The following DENND1A variants were observed in gnomAD, a reference collection of about 807,000 sequenced individuals.
DENND1A encodes the protein DENN domain-containing protein 1A.
DENND1A carries 51 observed loss-of-function variants against 113.7 expected under a neutral mutation model. The ratio of observed to expected loss-of-function variants is 0.45; its 90% CI spans 0.36 to 0.57. DENND1A has a LOEUF of 0.57. DENND1A is among the 20% of genes least tolerant of loss of function. The pLI is 0.00. For missense variants in DENND1A, 1,258 were observed against 1,395.9 expected (o/e 0.90, Z 1.57); for synonymous variants, 565 against 570.8 (o/e 0.99, Z 0.14).
rs540698611 is a variant in DENND1A at position 123,745,465 on chromosome 9, C to T, written c.302+12238G>A. ...GCAGCAGTGTGGTGCATGGAATGCT[C>T]ATGCACAGCTTGCAGAAGCAGAAAA... On this transcript the variant is annotated intron_variant, in intron 5 of 23. Coordinates refer to ENST00000394215, the MANE Select transcript of DENND1A (RefSeq NM_001352964.2). Among the ~76,000 whole-genome samples the T allele has an allele frequency of 3.9e-5, 6 of 152,328 alleles. 1 individual carries two copies. In the South Asian group the frequency reaches 1.2e-3, roughly 32 times the overall value.
chr9:123,411,614 T>C, intron 20 of DENND1A, 162 bp downstream of exon 20: 1 of 271,554 alleles, frequency 3.7e-6, no homozygotes, highest in Non-Finnish European at 5.6e-6. Flanking sequence ...GCCCAGAGAA[T>C]GCAAGCTCAA....
chr9:123,862,500 A>G (rs980488454), intron 2 of DENND1A, among the ~76,000 whole-genome samples: 4 of 152,212 alleles, frequency 2.6e-5, no homozygotes, highest in Non-Finnish European at 5.9e-5. Flanking sequence ...AAAAGAACCT[A>G]AAGATCCATA....
At chr9:123,423,660 T>C (rs1226263475) in intron 19 of DENND1A, among the ~76,000 whole-genome samples, 1 of 152,234 alleles carries the variant, frequency 6.6e-6, no homozygotes, top group African/African-American at 2.4e-5. Flanking sequence ...TGGTTATGGC[T>C]GCACACGCTC....
intron 18 of DENND1A, among the ~76,000 whole-genome samples, chr9:123,449,388 A>G (rs998050332): frequency 1.3e-5 from 2 of 152,174 alleles, no homozygotes; most frequent in Non-Finnish European, 2.9e-5. Context: ...TACAAAAATT[A>G]GCCAGATGTG....
intron 13 of DENND1A, among the ~76,000 whole-genome samples, chr9:123,538,703 A>C (rs2055993829): frequency 6.7e-6 from 1 of 148,296 alleles, no homozygotes; most frequent in Non-Finnish European, 1.5e-5. Context: ...GCAATGAACC[A>C]AAATCCATCA....
At chr9:123,778,159 T>C (rs1830730676) in intron 3 of DENND1A, among the ~76,000 whole-genome samples, 1 of 152,214 alleles carries the variant, frequency 6.6e-6, no homozygotes, top group South Asian at 2.1e-4. Context: ...AAAAAGTCCC[T>C]TCAGAAGTCC....
chr9:123,860,125 C>T (rs545500300), intron 2 of DENND1A, among the ~76,000 whole-genome samples: 1 of 152,268 alleles, frequency 6.6e-6, no homozygotes, highest in East Asian at 1.9e-4. Context: ...GGCCACTTAA[C>T]TTTATGCTCA....
intron 10 of DENND1A, among the ~76,000 whole-genome samples, chr9:123,613,654 T>G (rs1231233885): frequency 6.6e-6 from 1 of 152,228 alleles, no homozygotes; most frequent in Non-Finnish European, 1.5e-5. Context: ...GAAGACATTT[T>G]AAACGGCAAT....
At chr9:123,590,643 T>C (rs897423277) in intron 11 of DENND1A, among the ~76,000 whole-genome samples, 1 of 152,228 alleles carries the variant, frequency 6.6e-6, no homozygotes, top group African/African-American at 2.4e-5. Flanking sequence ...TTGTGGGTGA[T>C]GAAAATATTC....
chr9:123,440,359 C>G lies in DENND1A; in HGVS notation c.1488+1G>C. 1 of 1,600,112 alleles carries G rather than the reference C, an allele frequency of 6.2e-7. No homozygotes were observed. Among genetic ancestry groups the G allele is most frequent in the Non-Finnish European group, 8.5e-7 (1 of 1,175,018 alleles). ...ACAGGTAGGAGGGCCAGGGTACACA[C>G]CTGTCCAAAGTGGACTGTGATTGGC... On this transcript the variant is annotated splice_donor_variant, in intron 19 of 23. Transcript: ENST00000394215. LOFTEE classifies it high-confidence loss of function.
At chr9:123,818,654 A>C (rs1326529992) in intron 2 of DENND1A, among the ~76,000 whole-genome samples, 1 of 151,974 alleles carries the variant, frequency 6.6e-6, no homozygotes, top group Non-Finnish European at 1.5e-5. Flanking sequence ...TACCTTACAC[A>C]CATAGCCTGA....
intron 10 of DENND1A, among the ~76,000 whole-genome samples, chr9:123,620,213 C>CAAAAAAAAAAAAAAAAAAAAAAAA (rs34196587): frequency 5.1e-5 from 3 of 59,052 alleles, no homozygotes; most frequent in Non-Finnish European, 8.3e-5. Context: ...GACTCCATCT[C>CAAAAAAAAAAAAAAAAAAAAAAAA]AAAAAAAAAA....
In DENND1A at chr9:123,688,407, T is replaced by C. The variant is rs145863647; in HGVS notation, c.303-11618A>G. Reference sequence around the variant, plus strand: ...TAGACAGCATTCATTCACTCATTCATTGCCTAATATATATAAGTCAGGCAC... The same window carrying C: ...TAGACAGCATTCATTCACTCATTCACTGCCTAATATATATAAGTCAGGCAC... On this transcript the variant is annotated intron_variant, in intron 5 of 23. Coordinates refer to ENST00000394215, the MANE Select transcript of DENND1A (RefSeq NM_001352964.2). Among the ~76,000 whole-genome samples, 430 of 152,360 alleles carry C rather than the reference T, an allele frequency of 2.8e-3. 2 individuals are homozygous for C. Among genetic ancestry groups the C allele is most frequent in the African/African-American group, 9.6e-3 (400 of 41,582 alleles).
At chr9:123,901,666 A>G (rs950448881) in intron 1 of DENND1A, among the ~76,000 whole-genome samples, 7 of 152,194 alleles carry the variant, frequency 4.6e-5, no homozygotes, top group Non-Finnish European at 7.3e-5. Flanking sequence ...TGTGGTTGTG[A>G]AGACCTTCTA....
At chr9:123,741,754 C>G (rs2069045941) in intron 5 of DENND1A, among the ~76,000 whole-genome samples, 1 of 152,060 alleles carries the variant, frequency 6.6e-6, no homozygotes, top group Non-Finnish European at 1.5e-5. Context: ...GAGTGTCATT[C>G]AACAAATGAT....
At chr9:123,425,468 C>T (rs905734655) in intron 19 of DENND1A, among the ~76,000 whole-genome samples, 10 of 152,274 alleles carry the variant, frequency 6.6e-5, no homozygotes, top group African/African-American at 1.4e-4. Flanking sequence ...GTGCAGGCGC[C>T]GCAGAACAAG....
chr9:123,520,983 A>G (rs1158714217), intron 13 of DENND1A, among the ~76,000 whole-genome samples: 1 of 152,230 alleles, frequency 6.6e-6, no homozygotes, highest in East Asian at 1.9e-4. Context: ...TACAAACTAC[A>G]TTCAAATAAA....
At chr9:123,438,689 C>T (rs2046702412) in intron 19 of DENND1A, among the ~76,000 whole-genome samples, 1 of 152,168 alleles carries the variant, frequency 6.6e-6, no homozygotes, top group African/African-American at 2.4e-5. Flanking sequence ...TCATCCTCTC[C>T]AGTTTGCAGA....
At chr9:123,414,306 A>G in intron 19 of DENND1A, 1 of 1,396,008 alleles carries the variant, frequency 7.2e-7, no homozygotes, top group South Asian at 1.6e-5. Context: ...ACCAACAGAC[A>G]TTAGCAACCA....
Sources: gnomAD v4.1 joint callset for allele counts (sites outside exome capture counted in the v4.1 genomes callset) on GRCh38, gnomAD v4.1.1 for gene constraint, MANE v1.5 for transcripts, NCBI Gene and HGNC (gene_info 2026-07-23, HGNC 2026-07-21) for gene names.